Variants in PHKA1 observed in about 807,000 individuals in gnomAD.
The protein encoded by PHKA1 is phosphorylase b kinase regulatory subunit alpha, skeletal muscle isoform.
In PHKA1, 60 loss-of-function variants were observed where a neutral mutation model predicts 110.2. The observed-to-expected ratio is 0.54, with a 90% confidence interval of 0.44 to 0.68. The LOEUF (loss-of-function observed/expected upper bound fraction) is 0.68, where lower values mean the gene tolerates loss of function less well. PHKA1 is among the 30% of genes least tolerant of loss of function. The probability of loss-of-function intolerance (pLI) is 0.00; values close to 1 mark genes in which losing one functional copy is unlikely to be tolerated. For missense variants in PHKA1, 801 were observed against 942.5 expected (o/e 0.85, Z 1.97); for synonymous variants, 316 against 333.6 (o/e 0.95, Z 0.58).
chrX:72,696,606 G>A (rs2054119642), intron 3 of PHKA1, among the ~76,000 whole-genome samples: 1 of 111,691 alleles, frequency 9.0e-6, no homozygotes, highest in Non-Finnish European at 1.9e-5. Context: ...CAGCTTTTCT[G>A]AACTAATGTA....
chrX:72,650,849 G>A (rs1373131779), intron 12 of PHKA1, among the ~76,000 whole-genome samples: 3 of 111,475 alleles, frequency 2.7e-5, no homozygotes, highest in Non-Finnish European at 3.8e-5. Flanking sequence ...AGCCTCCCAA[G>A]TAGCTAGGAC....
At chrX:72,662,148 C>A (rs1273110020) in intron 8 of PHKA1, among the ~76,000 whole-genome samples, 1 of 112,242 alleles carries the variant, frequency 8.9e-6, no homozygotes, top group Non-Finnish European at 1.9e-5. Flanking sequence ...TGGGGAGCTG[C>A]CTAGAATTCA....
chrX:72,666,471 C>G lies in PHKA1; in HGVS notation c.718-174G>C, dbSNP rs782060584. Among the ~76,000 whole-genome samples, 6 of 111,823 alleles carry G rather than the reference C, an allele frequency of 5.4e-5. No homozygotes were observed. The Admixed American group carries it at 5.7e-4, about 11-fold the overall frequency. On this transcript the variant is annotated intron_variant, in intron 7 of 31. Transcript: ENST00000373542. The stretch of plus-strand genomic sequence containing the variant: ...TACCTTAGCATTGTAAAACTAATAG[C>G]TTTAGTTTCAAAAGATTTATGTAGA...
chrX:72,658,374 G>A (rs1278206841), intron 8 of PHKA1, among the ~76,000 whole-genome samples: 2 of 107,447 alleles, frequency 1.9e-5, no homozygotes, highest in African/African-American at 3.4e-5. Flanking sequence ...TGGGAGAATC[G>A]CTTGAACCTG....
intron 8 of PHKA1, among the ~76,000 whole-genome samples, chrX:72,659,101 T>C (rs2053530803): frequency 8.9e-6 from 1 of 112,076 alleles, no homozygotes; most frequent in South Asian, 3.7e-4. Flanking sequence ...TAGGGAGATC[T>C]GTCTTCTTTC....
chrX:72,646,095 C>CA (rs2053356342), intron 13 of PHKA1, among the ~76,000 whole-genome samples: 1 of 112,031 alleles, frequency 8.9e-6, no homozygotes, highest in Non-Finnish European at 1.9e-5. Context: ...ATTGCTGTAG[C>CA]ATAATATACC....
chrX:72,581,171 G>T lies in PHKA1; in HGVS notation c.3503C>A (p.Thr1168Asn). 8.5e-7 allele frequency: 1 copy of T among 1,181,442 alleles called. No homozygotes were observed. Among genetic ancestry groups the T allele is most frequent in the Non-Finnish European group, 1.2e-6 (1 of 868,140 alleles). ...CAACATGGTATCATCTGCGCCAAGG[G>T]TTTTCTGTTTGGTTTTTAAGGGTAG... ...ANDLFLQEQK[T>N]LGADDTMLAK... Residue 1168 changes from threonine (T) to asparagine (N), a missense_variant, in exon 32 of 32, where the codon ACC becomes AAC. By Grantham distance (65) the Thr-to-Asn change is moderately conservative (BLOSUM62 0). This residue lies in a region of PHKA1 where 502 missense variants were observed against 519.2 expected (regional missense o/e 0.97). Coordinates refer to ENST00000373542, the MANE Select transcript of PHKA1 (RefSeq NM_002637.4).
chrX:72,649,991 C>CA (rs202212585), intron 13 of PHKA1, among the ~76,000 whole-genome samples: 7,148 of 71,510 alleles, frequency 0.1, 877 homozygotes, highest in East Asian at 0.71. Context: ...GACTCCCTCT[C>CA]AAAAAAAAAA....
chrX:72,710,892 C>G (rs1315877165), intron 2 of PHKA1, among the ~76,000 whole-genome samples: 2 of 102,250 alleles, frequency 2.0e-5, no homozygotes, highest in African/African-American at 7.2e-5. Flanking sequence ...GACGGAGTCT[C>G]GCTCTGTCGC....
intron 5 of PHKA1, among the ~76,000 whole-genome samples, chrX:72,680,564 G>C (rs2053835692): frequency 8.9e-6 from 1 of 112,932 alleles, no homozygotes; most frequent in South Asian, 3.6e-4. Flanking sequence ...TTCATCACTA[G>C]AAGAATGAAG....
At chrX:72,684,820 G>A (rs1235941661) in intron 4 of PHKA1, among the ~76,000 whole-genome samples, 5 of 111,151 alleles carry the variant, frequency 4.5e-5, no homozygotes, top group Non-Finnish European at 7.6e-5. Flanking sequence ...GTTATTTACA[G>A]ATTTTACCAA....
At chrX:72,673,962 C>T (rs1367121143) in intron 6 of PHKA1, among the ~76,000 whole-genome samples, 1 of 78,827 alleles carries the variant, frequency 1.3e-5, no homozygotes, top group Non-Finnish European at 2.4e-5. Context: ...CCCCTCCCCC[C>T]ACCCCACAAC....
chrX:72,657,756 C>A, intron 8 of PHKA1, 115 bp from the exon 9 acceptor site: 1 of 575,135 alleles, frequency 1.7e-6, no homozygotes, highest in Non-Finnish European at 2.8e-6. Flanking sequence ...CCGATAAAGG[C>A]ATAATGCTTA....
chrX:72,632,585 A>C (rs1473944845), intron 16 of PHKA1, among the ~76,000 whole-genome samples: 1 of 111,299 alleles, frequency 9.0e-6, no homozygotes, highest in Non-Finnish European at 1.9e-5. Flanking sequence ...ATCCACCTGG[A>C]TGCCATTTAT....
At chrX:72,672,490 T>C (rs1188698437) in intron 6 of PHKA1, among the ~76,000 whole-genome samples, 1 of 111,406 alleles carries the variant, frequency 9.0e-6, no homozygotes, top group Admixed American at 9.5e-5. Context: ...CTGAGTGTGC[T>C]AGCTCAAGTG....
Position 72,714,169 on chromosome X carries a change from C to T in PHKA1, c.-289G>A, listed in dbSNP as rs1033076744. 29 of 338,365 alleles carry T rather than the reference C, an allele frequency of 8.6e-5. No individual in the cohort carries two copies. Among genetic ancestry groups the T allele is most frequent in the Admixed American group, 6.0e-4 (13 of 21,825 alleles). 27.9% of individuals were successfully genotyped at this position (338,365 alleles called of 1,213,427 possible). A position where few individuals can be genotyped will look rare whatever the true frequency, so the allele number is the denominator to read the frequency against. ...CCGCTCCTGCCCCCTTAGTCCAGTC[C>T]GGCCTCCGCGTGTGACTCCTGCATC... On this transcript the variant is annotated 5_prime_UTR_variant, in exon 1 of 32. Transcript: ENST00000373542.
chrX:72,625,583 T>G (rs947064970), intron 17 of PHKA1, among the ~76,000 whole-genome samples: 2 of 111,611 alleles, frequency 1.8e-5, no homozygotes, highest in Non-Finnish European at 1.9e-5. Context: ...AACATATGCA[T>G]GTGTCTCTAT....
At chrX:72,590,056 C>G (rs1224699730) in intron 29 of PHKA1, among the ~76,000 whole-genome samples, 1 of 111,346 alleles carries the variant, frequency 9.0e-6, no homozygotes, top group Non-Finnish European at 1.9e-5. Flanking sequence ...ACTTTCTTCA[C>G]AGAATTGGAA....
At chrX:72,709,683 G>A (rs1556333699) in intron 2 of PHKA1, among the ~76,000 whole-genome samples, 2 of 110,434 alleles carry the variant, frequency 1.8e-5, no homozygotes, top group East Asian at 5.6e-4. Flanking sequence ...TGATGCTACT[G>A]AGCTCCACTT....
Sources: gnomAD v4.1 joint callset for allele counts (sites outside exome capture counted in the v4.1 genomes callset) on GRCh38, gnomAD v4.1.1 for gene constraint, gnomAD v4.1.1 regional missense constraint, MANE v1.5 for transcripts, NCBI Gene and HGNC (gene_info 2026-07-23, HGNC 2026-07-21) for gene names.